The following SF3A1 variants were observed in gnomAD, a reference collection of about 807,000 sequenced individuals.
SF3A1 encodes the protein SAP 114.
In SF3A1, 13 loss-of-function variants were observed where a neutral mutation model predicts 89.9. That is an observed-to-expected ratio of 0.14 (90% CI 0.09 to 0.23). The LOEUF (loss-of-function observed/expected upper bound fraction) is 0.23. Ranked by LOEUF, SF3A1 falls within the 10% of genes least tolerant of loss-of-function variation. The pLI is 1.00. For missense variants in SF3A1, 604 were observed against 1,022.1 expected, an observed-to-expected ratio of 0.59 and a Z score of 5.58; for synonymous variants, 405 against 374.4, an observed-to-expected ratio of 1.08 and a Z score of -0.94.
At chr22:30,346,176 C>T in intron 3 of SF3A1, 136 bp downstream of exon 3, 2 of 687,050 alleles carry the variant, frequency 2.9e-6, no homozygotes, top group South Asian at 3.5e-5. Context: ...CCTCGGTCTG[C>T]CTCTGAGAGA....
intron 5 of SF3A1, 27 bp downstream of exon 5, chr22:30,342,777 TG>T: frequency 7.0e-7 from 1 of 1,426,740 alleles, no homozygotes. Flanking sequence ...CACCAGTAAC[TG>T]GTTGCAAGAA....
chr22:30,352,838 T>C, intron 2 of SF3A1, 113 bp downstream of exon 2: 1 of 1,349,716 alleles, frequency 7.4e-7, no homozygotes, highest in Non-Finnish European at 1.0e-6. Flanking sequence ...TGGTTTTTTA[T>C]GAACTAAAAG....
chr22:30,356,651 C>G, intron 1 of SF3A1, 79 bp downstream of exon 1: 2 of 1,143,776 alleles, frequency 1.7e-6, no homozygotes, highest in Non-Finnish European at 2.4e-6. Flanking sequence ...TTCATAGCGG[C>G]CGGCCGCTTA....
At chr22:30,344,108 G>C (rs1238354843) in intron 4 of SF3A1, among the ~76,000 whole-genome samples, 1 of 152,174 alleles carries the variant, frequency 6.6e-6, no homozygotes, top group Non-Finnish European at 1.5e-5. Flanking sequence ...CCTGATTCTT[G>C]ATTGCAGCTC....
At chr22:30,353,700 G>T (rs1240623903) in intron 1 of SF3A1, among the ~76,000 whole-genome samples, 1 of 152,116 alleles carries the variant, frequency 6.6e-6, no homozygotes, top group African/African-American at 2.4e-5. Flanking sequence ...CCCTTTAAAG[G>T]GCTAGGAATT....
rs565388563 is a variant in SF3A1, at chr22:30,333,847, G to A, written c.*747C>T. The A allele has an allele frequency of 6.6e-6, 1 of 152,262 alleles. No homozygotes were observed. Among genetic ancestry groups the A allele is most frequent in the East Asian group, 1.9e-4 (1 of 5,186 alleles). The allele number at this position is 152,262 out of a possible 1,614,324, so 9.4% of individuals were successfully genotyped here. A position where few individuals can be genotyped will look rare whatever the true frequency, so the allele number is the denominator to read the frequency against. On this transcript the variant is annotated 3_prime_UTR_variant, in exon 16 of 16. Coordinates refer to ENST00000215793, the MANE Select transcript of SF3A1 (RefSeq NM_005877.6). ...TATGAGGCACCTGCCCAGGACCACA[G>A]AGCCAATCAATCAGGTGATGAGTGA...
Position 30,353,028 on chromosome 22 carries a change from A to T in SF3A1, c.108T>A (p.Ser36=). The part of the protein sequence containing the change: ...EASSKEDSAP[S]KPVVGIIYPP... The stretch of plus-strand genomic sequence containing the variant: ...GGTAAATAATCCCCACAACTGGCTT[A>T]GAAGGTGCAGAATCCTCCTTTGAAG... The change falls in exon 2 of 16, where the codon TCT becomes TCA. Residue 36 remains serine (S), a synonymous_variant. Transcript: ENST00000215793. 6.2e-7 allele frequency: 1 copy of T among 1,614,220 alleles called. No individual in the cohort carries two copies. The highest frequency in any genetic ancestry group is 8.5e-7 in the Non-Finnish European group (1 of 1,180,012).
chr22:30,356,821 C>G lies in SF3A1; in HGVS notation c.-29G>C, dbSNP rs1281765795. 7.5e-7 allele frequency: 1 copy of G among 1,326,112 alleles called. No homozygotes were observed. Among genetic ancestry groups the G allele is most frequent in the Non-Finnish European group, 9.7e-7 (1 of 1,029,450 alleles). The allele number at this position is 1,326,112 out of a possible 1,614,324, so 82.1% of individuals were successfully genotyped here. A position where few individuals can be genotyped will look rare whatever the true frequency, so the allele number is the denominator to read the frequency against. The stretch of plus-strand genomic sequence containing the variant: ...TGCGACGCTCAGGGCTGCCAGTCCG[C>G]CTCGGTGTCGGTGAGCGGTGCCGCC... On this transcript the variant is annotated 5_prime_UTR_variant, in exon 1 of 16. Coordinates refer to ENST00000215793, the MANE Select transcript of SF3A1 (RefSeq NM_005877.6).
chr22:30,342,706 T>C (rs1302803991), intron 5 of SF3A1, 99 bp downstream of exon 5: 2 of 832,984 alleles, frequency 2.4e-6, no homozygotes, highest in Non-Finnish European at 4.0e-6. Flanking sequence ...ACCATTCCCA[T>C]GACTGGAACA....
At chr22:30,344,797 T>C in intron 4 of SF3A1, 136 bp downstream of exon 4, 1 of 984,930 alleles carries the variant, frequency 1.0e-6, no homozygotes, top group Non-Finnish European at 1.5e-6. Context: ...TACATTAAAC[T>C]GGGATTCAAA....
chr22:30,354,699 C>G (rs963803904), intron 1 of SF3A1, among the ~76,000 whole-genome samples: 1 of 152,202 alleles, frequency 6.6e-6, no homozygotes, highest in Non-Finnish European at 1.5e-5. Flanking sequence ...GGAATAGCTA[C>G]CCAGTCACCC....
rs765228852 is a variant in SF3A1, at chr22:30,337,918, C to A, written c.1744-21G>T. The A allele has an allele frequency of 8.9e-6, 14 of 1,573,470 alleles. No homozygotes were observed. In the Admixed American group the frequency reaches 1.3e-4, roughly 15 times the overall value. On this transcript the variant is annotated intron_variant, in intron 11 of 15. Coordinates refer to ENST00000215793, the MANE Select transcript of SF3A1 (RefSeq NM_005877.6). ...GGCATCTGTGCAGGAAAGAGACCCA[C>A]AGATTACAGGAAGCCAAAGTTGGAC...
intron 2 of SF3A1, among the ~76,000 whole-genome samples, chr22:30,347,300 GAAAC>G (rs924880589): frequency 3.3e-5 from 5 of 151,992 alleles, no homozygotes; most frequent in African/African-American, 7.2e-5. Context: ...CTGTCTTTAA[GAAAC>G]AAACAAACAA....
At chr22:30,336,827 A>G (rs1931082004) in intron 13 of SF3A1, among the ~76,000 whole-genome samples, 199 bp downstream of exon 13, 1 of 152,082 alleles carries the variant, frequency 6.6e-6, no homozygotes. Flanking sequence ...CATCACCATC[A>G]CCACCAATGC....
At chr22:30,339,275 AGAG>A (rs1226889890) in intron 9 of SF3A1, 24 bp from the exon 10 acceptor site, 3 of 1,612,784 alleles carry the variant, frequency 1.9e-6, no homozygotes, top group Non-Finnish European at 2.5e-6. Context: ...AAACAGAGGC[AGAG>A]GATAGAAAGA....
chr22:30,335,597 C>T lies in SF3A1; in HGVS notation c.2208+55G>A, dbSNP rs1325627239. ...GGTAAGGCCAGCTAGAGGAAGCTTT[C>T]CCCTGAATGCTTGGTTCCCATGCAC... On this transcript the variant is annotated intron_variant, in intron 14 of 15. Transcript: ENST00000215793. The T allele has an allele frequency of 5.0e-6, 8 of 1,612,086 alleles. No individual in the cohort carries two copies. The African/African-American group carries it at 1.1e-4, about 22-fold the overall frequency.
rs1208637732 is a variant in SF3A1, at chr22:30,333,688, TA to T, written c.*905del. ...ATACTCACATGAGGATTACATGAGTTAAAATGGATAAAATGGATAAAAGTAG... is the reference window on the plus strand; with the variant it reads ...ATACTCACATGAGGATTACATGAGTTAAATGGATAAAATGGATAAAAGTAG... On this transcript the variant is annotated 3_prime_UTR_variant, in exon 16 of 16. Coordinates refer to ENST00000215793, the MANE Select transcript of SF3A1 (RefSeq NM_005877.6). 6.6e-6 allele frequency: 1 copy of T among 152,248 alleles called. No homozygotes were observed. The highest frequency in any genetic ancestry group is 1.9e-4 in the East Asian group (1 of 5,204). 9.4% of individuals were successfully genotyped at this position (152,248 alleles called of 1,614,324 possible).
chr22:30,332,703 T>C lies in SF3A1; in HGVS notation c.*1891A>G, dbSNP rs1930952967. 1 of 152,230 alleles carries C rather than the reference T, an allele frequency of 6.6e-6. No individual in the cohort carries two copies. The highest frequency in any genetic ancestry group is 1.5e-5 in the Non-Finnish European group (1 of 68,060). 9.4% of individuals were successfully genotyped at this position (152,230 alleles called of 1,614,324 possible). ...GATGTTCACAAGGCCTCATGGTCAA[T>C]GGAGCTTCTGCATCTGAGCGAGCCA... On this transcript the variant is annotated 3_prime_UTR_variant, in exon 16 of 16. Coordinates refer to ENST00000215793, the MANE Select transcript of SF3A1 (RefSeq NM_005877.6).
intron 1 of SF3A1, among the ~76,000 whole-genome samples, chr22:30,355,214 T>C (rs1379483794): frequency 1.3e-5 from 2 of 152,174 alleles, no homozygotes; most frequent in Non-Finnish European, 2.9e-5. Context: ...TTTTGCTATG[T>C]TGGCCAGGCT....
Sources: allele counts gnomAD v4.1 joint callset (sites outside exome capture counted in the v4.1 genomes callset), GRCh38; gene constraint gnomAD v4.1.1; transcripts MANE v1.5; gene names NCBI Gene and HGNC (gene_info 2026-07-23, HGNC 2026-07-21).